The following NUP160 variants were observed in gnomAD, a reference collection of about 807,000 sequenced individuals.
NUP160 encodes nuclear pore complex protein Nup160.
Under a neutral mutation model 196.9 loss-of-function variants are expected in NUP160, and 94 were observed. That is an observed-to-expected ratio of 0.48 (90% CI 0.40 to 0.57). The LOEUF is 0.57. Among genes scored for constraint, NUP160 ranks in the 20% least tolerant of loss-of-function variants. NUP160 has a pLI of 0.00. For missense variants in NUP160, 1,638 were observed against 1,748.3 expected, an observed-to-expected ratio of 0.94 and a Z score of 1.13; for synonymous variants, 605 against 619.7, an observed-to-expected ratio of 0.98 and a Z score of 0.35.
At chr11:47,788,077 TA>T (rs2097665693) in intron 31 of NUP160, 104 bp downstream of exon 31, 1 of 963,314 alleles carries the variant, frequency 1.0e-6, no homozygotes, top group Non-Finnish European at 1.6e-6. Context: ...CTTCAAATCA[TA>T]AATGATATAT....
At chr11:47,803,176 A>AATAATC (rs1293759044) in intron 22 of NUP160, among the ~76,000 whole-genome samples, 1 of 149,128 alleles carries the variant, frequency 6.7e-6, no homozygotes, top group Non-Finnish European at 1.5e-5. Context: ...TAATAATAAT[A>AATAATC]ATAAAAGGAA....
chr11:47,816,465 T>C (rs1342957940), intron 11 of NUP160, among the ~76,000 whole-genome samples: 1 of 152,212 alleles, frequency 6.6e-6, no homozygotes, highest in African/African-American at 2.4e-5. Flanking sequence ...TCCATGAAGC[T>C]AAGTAGTAAT....
rs529813740 is a variant in NUP160, at chr11:47,779,022, G to A, written c.*83C>T. 5.5e-4 allele frequency: 498 copies of A among 897,992 alleles called. 1 individual carries two copies. The highest frequency in any genetic ancestry group is 9.7e-5 in the Non-Finnish European group (52 of 534,770). The allele number at this position is 897,992 out of a possible 1,614,324, so 55.6% of individuals were successfully genotyped here. A position where few individuals can be genotyped will look rare whatever the true frequency, so the allele number is the denominator to read the frequency against. ...CACATCATTTACAGTTACAAAAATCGGCCTTGAGTACAGGGTTCCTGTAGG... is the reference window on the plus strand; with the variant it reads ...CACATCATTTACAGTTACAAAAATCAGCCTTGAGTACAGGGTTCCTGTAGG... On this transcript the variant is annotated 3_prime_UTR_variant, in exon 36 of 36. Transcript: ENST00000378460.
chr11:47,830,976 C>T (rs1359046907), intron 7 of NUP160, among the ~76,000 whole-genome samples: 1 of 152,084 alleles, frequency 6.6e-6, no homozygotes, highest in Non-Finnish European at 1.5e-5. Context: ...CCAGCCTGGC[C>T]AACATGGTGA....
intron 33 of NUP160, chr11:47,784,642 T>G (rs2097663464): frequency 4.8e-6 from 1 of 208,068 alleles, no homozygotes; most frequent in Non-Finnish European, 9.6e-6. Context: ...GATGAAAAGC[T>G]TCCCAAAGTA....
chr11:47,839,731 C>A (rs938938640), intron 4 of NUP160, 112 bp downstream of exon 4: 1 of 867,934 alleles, frequency 1.2e-6, no homozygotes, highest in Non-Finnish European at 1.9e-6. Flanking sequence ...TAATGAATGA[C>A]CAGTTCCGGG....
chr11:47,789,455 G>C (rs1385846237), intron 29 of NUP160, among the ~76,000 whole-genome samples: 1 of 152,062 alleles, frequency 6.6e-6, no homozygotes, highest in East Asian at 1.9e-4. Flanking sequence ...TGCCTCTGTG[G>C]AAATAGCAAA....
chr11:47,784,992 T>A (rs2097663679), exon 33 of NUP160: 1 of 1,603,042 alleles, frequency 6.2e-7, no homozygotes, highest in Non-Finnish European at 8.5e-7. Flanking sequence ...TACACAGTGG[T>A]GATACAAGTT....
exon 28 of NUP160, chr11:47,792,800 C>G: frequency 6.2e-7 from 1 of 1,612,552 alleles, no homozygotes; most frequent in Non-Finnish European, 8.5e-7. Context: ...GCACCAGACA[C>G]TGGCTGCACA....
chr11:47,801,102 A>T (rs1441511518), intron 23 of NUP160, among the ~76,000 whole-genome samples: 2 of 152,198 alleles, frequency 1.3e-5, no homozygotes, highest in African/African-American at 4.8e-5. Flanking sequence ...GGGGCAGGAA[A>T]CAGGTCAAGA....
In NUP160 at chr11:47,840,307, C is replaced by G. The variant is rs750416412; in HGVS notation, c.525+71G>C. ...AATTTCCTTCAATTCCAAAAGACAT[C>G]GCTCCAGCACTACATTTGTGACACC... On this transcript the variant is annotated intron_variant, in intron 3 of 35. Transcript: ENST00000378460. The G allele has an allele frequency of 5.3e-6, 7 of 1,328,046 alleles. No individual in the cohort carries two copies. The East Asian group carries it at 1.2e-4, about 22-fold the overall frequency. 82.3% of individuals were successfully genotyped at this position (1,328,046 alleles called of 1,614,324 possible).
chr11:47,806,480 A>C (rs1223752414), intron 19 of NUP160, 168 bp from the exon 20 acceptor site: 1 of 544,852 alleles, frequency 1.8e-6, no homozygotes, highest in Non-Finnish European at 3.2e-6. Context: ...GTAGTCTGTA[A>C]ATTGTGAGGC....
At chr11:47,829,727 T>TA (rs1852037845) in intron 7 of NUP160, among the ~76,000 whole-genome samples, 2 of 152,276 alleles carry the variant, frequency 1.3e-5, no homozygotes, top group East Asian at 3.9e-4. Flanking sequence ...TCAAGATGGA[T>TA]TAAAGACTTA....
chr11:47,784,942 A>C, exon 33 of NUP160: 1 of 1,598,954 alleles, frequency 6.3e-7, no homozygotes, highest in Non-Finnish European at 8.5e-7. Flanking sequence ...TTTATAAGCC[A>C]ATTAGGCAGA....
At chr11:47,829,275 T>C (rs968936792) in intron 7 of NUP160, among the ~76,000 whole-genome samples, 4 of 152,196 alleles carry the variant, frequency 2.6e-5, no homozygotes, top group Non-Finnish European at 5.9e-5. Context: ...ACATATACAA[T>C]GGTGACTCCA....
chr11:47,798,512 C>T lies in NUP160; in HGVS notation c.2896-49G>A, dbSNP rs767026666. On this transcript the variant is annotated intron_variant, in intron 23 of 35. Transcript: ENST00000378460. ...CCATTAAAATTAATATTGTAATGTA[C>T]TTCAAACTCAATTATGGTTTAAAAT... is the stretch of plus-strand genomic sequence containing the variant. The T allele has an allele frequency of 6.8e-6, 7 of 1,028,814 alleles. No homozygotes were observed. The Admixed American group carries it at 7.7e-5, about 11-fold the overall frequency. 63.7% of individuals were successfully genotyped at this position (1,028,814 alleles called of 1,614,324 possible).
chr11:47,800,113 G>C (rs1444927607), intron 23 of NUP160, among the ~76,000 whole-genome samples: 1 of 151,934 alleles, frequency 6.6e-6, no homozygotes, highest in African/African-American at 2.4e-5. Context: ...AATTAGTGGG[G>C]TGTGGTGGTG....
intron 34 of NUP160, among the ~76,000 whole-genome samples, chr11:47,781,482 C>G (rs2097660807): frequency 6.6e-6 from 1 of 152,000 alleles, no homozygotes; most frequent in Non-Finnish European, 1.5e-5. Flanking sequence ...CAAGGCTGGT[C>G]TTAACCTCTG....
chr11:47,798,102 C>T, intron 25 of NUP160, 28 bp from the exon 26 acceptor site: 1 of 1,539,176 alleles, frequency 6.5e-7, no homozygotes, highest in Non-Finnish European at 8.9e-7. Flanking sequence ...AATATGAGGG[C>T]AAACTATCTT....
Sources: gnomAD v4.1 joint callset for allele counts (sites outside exome capture counted in the v4.1 genomes callset) on GRCh38, gnomAD v4.1.1 for gene constraint, MANE v1.5 for transcripts, NCBI Gene and HGNC (gene_info 2026-07-23, HGNC 2026-07-21) for gene names.